The following SLC25A13 variants were observed in gnomAD, a reference collection of about 807,000 sequenced individuals.
The protein encoded by SLC25A13 is solute carrier family 25 member 13.
In SLC25A13, 70 loss-of-function variants were observed where a neutral mutation model predicts 85.5. The ratio of observed to expected loss-of-function variants is 0.82; its 90% CI spans 0.68 to 1.00. The LOEUF (loss-of-function observed/expected upper bound fraction) is 1.00, where lower values mean the gene tolerates loss of function less well. Ranked by LOEUF, SLC25A13 falls within the 50% of genes least tolerant of loss-of-function variation. The pLI is 0.00. For missense variants in SLC25A13, 765 were observed against 819.8 expected (o/e 0.93, Z 0.82); for synonymous variants, 259 against 288.7 (o/e 0.90, Z 1.04).
At chr7:96,320,995 G>A (rs1800318050) in intron 1 of SLC25A13, among the ~76,000 whole-genome samples, 1 of 152,166 alleles carries the variant, frequency 6.6e-6, no homozygotes, top group Admixed American at 6.5e-5. Context: ...CTAAGAAGTT[G>A]TATAGGCTTG....
chr7:96,301,530 A>G (rs1799547587), intron 1 of SLC25A13, among the ~76,000 whole-genome samples: 1 of 152,190 alleles, frequency 6.6e-6, no homozygotes, highest in Non-Finnish European at 1.5e-5. Flanking sequence ...ACAGATTACT[A>G]TGAAATATTA....
chr7:96,125,556 G>C (rs1488663323), intron 15 of SLC25A13, among the ~76,000 whole-genome samples: 1 of 152,144 alleles, frequency 6.6e-6, no homozygotes, highest in African/African-American at 2.4e-5. Flanking sequence ...GATTTTGAAA[G>C]TATCCAGTAT....
intron 2 of SLC25A13, among the ~76,000 whole-genome samples, chr7:96,296,576 G>T (rs1799358944): frequency 1.3e-5 from 2 of 151,830 alleles, no homozygotes; most frequent in South Asian, 2.1e-4. Context: ...CGCCTCCCAG[G>T]TTCAAGCGAT....
intron 13 of SLC25A13, among the ~76,000 whole-genome samples, chr7:96,158,473 T>C (rs1793375760): frequency 6.6e-6 from 1 of 152,238 alleles, no homozygotes; most frequent in African/African-American, 2.4e-5. Flanking sequence ...TGAATTCACA[T>C]GGTAGATACT....
intron 13 of SLC25A13, 75 bp from the exon 14 acceptor site, chr7:96,146,771 T>A (rs1327193428): frequency 6.6e-7 from 1 of 1,505,720 alleles, no homozygotes; most frequent in Non-Finnish European, 9.2e-7. Context: ...GAATGATTAT[T>A]CTCAAGGATA....
At chr7:96,311,568 A>C (rs1193886583) in intron 1 of SLC25A13, among the ~76,000 whole-genome samples, 1 of 152,200 alleles carries the variant, frequency 6.6e-6, no homozygotes. Context: ...TAGATTAACA[A>C]GATTTAAAAG....
At chr7:96,123,126 A>T (rs1176948500) in intron 15 of SLC25A13, among the ~76,000 whole-genome samples, 1 of 152,150 alleles carries the variant, frequency 6.6e-6, no homozygotes, top group African/African-American at 2.4e-5. Context: ...CTCCTCAAAC[A>T]TTAATCTCAA....
chr7:96,233,717 G>A (rs1796643472), intron 4 of SLC25A13, among the ~76,000 whole-genome samples: 6 of 152,180 alleles, frequency 3.9e-5, no homozygotes, highest in Admixed American at 3.3e-4. Context: ...CAGCAGAGCT[G>A]GAAGGGGCTA....
chr7:96,206,858 A>G (rs1236917519), intron 5 of SLC25A13, among the ~76,000 whole-genome samples: 2 of 152,222 alleles, frequency 1.3e-5, no homozygotes, highest in African/African-American at 2.4e-5. Flanking sequence ...AATCTACTCA[A>G]TTCAGTATAA....
chr7:96,307,288 A>G (rs529165476), intron 1 of SLC25A13, among the ~76,000 whole-genome samples: 1 of 152,324 alleles, frequency 6.6e-6, no homozygotes, highest in African/African-American at 2.4e-5. Flanking sequence ...GATATTGAAG[A>G]ATTATTATAA....
At chr7:96,144,549 C>A (rs1476244586) in intron 14 of SLC25A13, among the ~76,000 whole-genome samples, 1 of 152,186 alleles carries the variant, frequency 6.6e-6, no homozygotes, top group African/African-American at 2.4e-5. Context: ...AGTAATTAAA[C>A]TAACTTCATA....
At chr7:96,123,181 C>T (rs1791585733) in intron 15 of SLC25A13, among the ~76,000 whole-genome samples, 1 of 152,138 alleles carries the variant, frequency 6.6e-6, no homozygotes, top group Non-Finnish European at 1.5e-5. Context: ...AAAAAGCTCA[C>T]TTTATATCCA....
chr7:96,241,037 G>GGAAA (rs200466951), intron 3 of SLC25A13, among the ~76,000 whole-genome samples: 5,323 of 80,708 alleles, frequency 0.066, 410 homozygotes, highest in East Asian at 0.098. Context: ...AAGAAAGAAA[G>GGAAA]GAAAGAAAGA....
chr7:96,306,699 G>A, intron 1 of SLC25A13: 1 of 835,574 alleles, frequency 1.2e-6, no homozygotes, highest in Non-Finnish European at 1.8e-6. Context: ...CAGCCAAACG[G>A]TGAGCTTAGT....
In SLC25A13 at chr7:96,296,932, G is replaced by A; in HGVS notation, c.35C>T (p.Ala12Val). 3.1e-6 allele frequency: 5 copies of A among 1,613,412 alleles called. No homozygotes were observed. The highest frequency in any genetic ancestry group is 4.2e-6 in the Non-Finnish European group (5 of 1,179,496). The change falls in exon 2 of 18, where the codon GCA becomes GTA. Residue 12 changes from alanine (A) to valine (V), a missense_variant. Ala to Val is a moderately conservative substitution (Grantham distance 64). Transcript: ENST00000265631. Reference sequence around the variant, plus strand: ...TATTGTTCTAAGCTCAGCTGGATCTGCTCTCTTGGTTAAAGCCACCTATAA... The same window carrying A: ...TATTGTTCTAAGCTCAGCTGGATCTACTCTCTTGGTTAAAGCCACCTATAA... ...AAAKVALTKR[A>V]DPAELRTIFL...
In SLC25A13 at chr7:96,146,617, G is replaced by C. The variant is rs774476574; in HGVS notation, c.1391C>G (p.Thr464Ser). Residue 464 changes from threonine to serine, a missense_variant, in exon 14 of 18, where the codon ACT (threonine) becomes AGT (serine). Coordinates refer to ENST00000265631, the MANE Select transcript of SLC25A13 (RefSeq NM_014251.3). The part of the protein sequence containing the change: ...IRLQVAGEIT[T>S]GPRVSALSVV... ...AGACAGAGCACTGACTCGAGGACCA[G>C]TGGTGATTTCTCCTGCCACTTGCAA... The C allele has an allele frequency of 6.2e-7, 1 of 1,613,920 alleles. No individual in the cohort carries two copies.
At chr7:96,220,774 T>A (rs893041925) in intron 4 of SLC25A13, among the ~76,000 whole-genome samples, 1 of 151,648 alleles carries the variant, frequency 6.6e-6, no homozygotes, top group Non-Finnish European at 1.5e-5. Flanking sequence ...AACATGCACA[T>A]ACACACACAC....
intron 2 of SLC25A13, among the ~76,000 whole-genome samples, chr7:96,282,625 G>A (rs956823861): frequency 2.0e-5 from 3 of 152,176 alleles, no homozygotes; most frequent in African/African-American, 7.2e-5. Flanking sequence ...CTGTGTAGGA[G>A]ATTGTTTTTA....
At chr7:96,146,446 T>A in intron 14 of SLC25A13, 110 bp downstream of exon 14, 1 of 1,413,528 alleles carries the variant, frequency 7.1e-7, no homozygotes, top group Non-Finnish European at 9.8e-7. Flanking sequence ...TAGAACATCT[T>A]CTCCAGGTGT....
Sources: gnomAD v4.1 joint callset for allele counts (sites outside exome capture counted in the v4.1 genomes callset) on GRCh38, gnomAD v4.1.1 for gene constraint, MANE v1.5 for transcripts, NCBI Gene and HGNC (gene_info 2026-07-23, HGNC 2026-07-21) for gene names.